Variants in KIAA1328 observed in about 807,000 individuals in gnomAD.
KIAA1328 encodes the protein protein hinderin.
Under a neutral mutation model 68.1 loss-of-function variants are expected in KIAA1328, and 52 were observed. The ratio of observed to expected loss-of-function variants is 0.76; its 90% confidence interval spans 0.61 to 0.96. KIAA1328 has a LOEUF of 0.96. KIAA1328 is among the 40% of genes least tolerant of loss of function. The probability of loss-of-function intolerance (pLI) is 0.00; values close to 1 mark genes in which losing one functional copy is unlikely to be tolerated. For synonymous variants in KIAA1328, 232 were observed against 239.4 expected, an observed-to-expected ratio of 0.97 and a Z score of 0.28; for missense variants, 641 against 677.6, an observed-to-expected ratio of 0.95 and a Z score of 0.60.
At chr18:36,857,785 T>A (rs1467807434) in intron 4 of KIAA1328, among the ~76,000 whole-genome samples, 1 of 152,228 alleles carries the variant, frequency 6.6e-6, no homozygotes, top group Non-Finnish European at 1.5e-5. Flanking sequence ...TCCATGGTGG[T>A]GTTTTTAAAT....
Position 37,224,188 on chromosome 18 carries a change from C to T in KIAA1328, c.*1961C>T. On this transcript the variant is annotated 3_prime_UTR_variant, in exon 10 of 10. Transcript: ENST00000280020. ...GACTCCCATAGACTACTCCCATGCC[C>T]ACAGTCACCCATTCCAGACTCCAGT... 1 of 985,424 alleles carries T rather than the reference C, an allele frequency of 1.0e-6. No individual in the cohort carries two copies. Among genetic ancestry groups the T allele is most frequent in the Non-Finnish European group, 1.2e-6 (1 of 829,926 alleles). 61.0% of individuals were successfully genotyped at this position (985,424 alleles called of 1,614,324 possible). A position where few individuals can be genotyped will look rare whatever the true frequency, so the allele number is the denominator to read the frequency against.
intron 7 of KIAA1328, among the ~76,000 whole-genome samples, chr18:37,072,519 T>G (rs2056571527): frequency 1.3e-5 from 2 of 152,236 alleles, no homozygotes; most frequent in African/African-American, 2.4e-5. Context: ...ATTTATAGTT[T>G]TATGTCTTTT....
chr18:36,869,292 T>C (rs1161580482), intron 4 of KIAA1328, among the ~76,000 whole-genome samples: 1 of 152,230 alleles, frequency 6.6e-6, no homozygotes, highest in Non-Finnish European at 1.5e-5. Flanking sequence ...TTTGAGTAAC[T>C]AGTGTACACT....
intron 6 of KIAA1328, among the ~76,000 whole-genome samples, chr18:37,054,789 G>T (rs1251009683): frequency 6.6e-6 from 1 of 152,116 alleles, no homozygotes; most frequent in Non-Finnish European, 1.5e-5. Flanking sequence ...TAACAAATTT[G>T]CACATGAACC....
intron 5 of KIAA1328, among the ~76,000 whole-genome samples, chr18:36,953,991 G>GTTTTT (rs2051285364): frequency 1.4e-5 from 1 of 73,838 alleles, no homozygotes; most frequent in African/African-American, 3.3e-5. Context: ...TTGTCTGATT[G>GTTTTT]TTTCTTTTTT....
At chr18:36,919,643 C>T (rs2049842576) in intron 5 of KIAA1328, among the ~76,000 whole-genome samples, 1 of 152,156 alleles carries the variant, frequency 6.6e-6, no homozygotes, top group African/African-American at 2.4e-5. Flanking sequence ...TTTGATAAAT[C>T]TCCAAACTGC....
intron 7 of KIAA1328, among the ~76,000 whole-genome samples, chr18:37,092,168 G>A (rs536145660): frequency 2.6e-5 from 4 of 152,020 alleles, no homozygotes; most frequent in East Asian, 1.9e-4. Context: ...GCTGGCACAC[G>A]TGCATTCTTT....
intron 7 of KIAA1328, among the ~76,000 whole-genome samples, chr18:37,122,272 A>G (rs377406066): frequency 1.1e-4 from 17 of 152,086 alleles, no homozygotes; most frequent in African/African-American, 4.1e-4. Flanking sequence ...ATAAGGATGA[A>G]AACGTGTCCA....
intron 7 of KIAA1328, among the ~76,000 whole-genome samples, chr18:37,133,719 G>T (rs963750316): frequency 1.3e-5 from 2 of 151,688 alleles, no homozygotes; most frequent in African/African-American, 2.4e-5. Flanking sequence ...TAGAGACAGG[G>T]TTTCACCGTG....
At chr18:37,039,152 G>A (rs931290461) in intron 6 of KIAA1328, among the ~76,000 whole-genome samples, 1 of 151,862 alleles carries the variant, frequency 6.6e-6, no homozygotes, top group African/African-American at 2.4e-5. Flanking sequence ...TACATTCCTA[G>A]GAATATATTG....
chr18:37,039,947 A>G (rs1367251186), intron 6 of KIAA1328, among the ~76,000 whole-genome samples: 3 of 152,064 alleles, frequency 2.0e-5, no homozygotes, highest in African/African-American at 4.8e-5. Context: ...GTTCCTTGCA[A>G]TGTAGGGCTG....
At chr18:37,043,588 A>G (rs2055346444) in intron 6 of KIAA1328, among the ~76,000 whole-genome samples, 1 of 152,166 alleles carries the variant, frequency 6.6e-6, no homozygotes, top group African/African-American at 2.4e-5. Flanking sequence ...ATTGTTAATA[A>G]ATTTTGCTCT....
intron 4 of KIAA1328, among the ~76,000 whole-genome samples, chr18:36,880,102 G>C (rs1003659177): frequency 6.6e-6 from 1 of 152,182 alleles, no homozygotes; most frequent in Non-Finnish European, 1.5e-5. Context: ...AGCTAGCTTG[G>C]TGTCTGCTCA....
chr18:36,829,403 G>C, intron 1 of KIAA1328: 1 of 1,351,700 alleles, frequency 7.4e-7, no homozygotes, highest in Non-Finnish European at 9.4e-7. Flanking sequence ...TGCAGGTGTG[G>C]GGACACGGCT....
intron 5 of KIAA1328, among the ~76,000 whole-genome samples, chr18:36,945,757 G>A (rs2050876525): frequency 6.6e-6 from 1 of 152,138 alleles, no homozygotes; most frequent in Non-Finnish European, 1.5e-5. Flanking sequence ...AAGTGTGGGT[G>A]GGTGATATAG....
intron 7 of KIAA1328, among the ~76,000 whole-genome samples, chr18:37,106,786 CTG>C (rs1177974956): frequency 2.0e-5 from 3 of 152,118 alleles, no homozygotes; most frequent in Non-Finnish European, 4.4e-5. Context: ...AAATTGTTCC[CTG>C]TGTTTCGTAT....
chr18:37,171,105 A>T (rs1445420917), intron 8 of KIAA1328, among the ~76,000 whole-genome samples: 1 of 152,238 alleles, frequency 6.6e-6, no homozygotes, highest in Non-Finnish European at 1.5e-5. Flanking sequence ...AAAATGAGTA[A>T]ATTTTATGAT....
intron 4 of KIAA1328, among the ~76,000 whole-genome samples, chr18:36,851,395 G>A (rs2047206765): frequency 6.6e-6 from 1 of 152,034 alleles, no homozygotes; most frequent in Admixed American, 6.6e-5. Context: ...TTCATTCTAA[G>A]TGTTTGGTAG....
At chr18:36,916,659 C>T (rs1380116847) in intron 5 of KIAA1328, among the ~76,000 whole-genome samples, 1 of 152,144 alleles carries the variant, frequency 6.6e-6, no homozygotes, top group Non-Finnish European at 1.5e-5. Flanking sequence ...ACATGTGGGT[C>T]AGGAGCTATT....
Sources: gnomAD v4.1 joint callset for allele counts (sites outside exome capture counted in the v4.1 genomes callset) on GRCh38, gnomAD v4.1.1 for gene constraint, MANE v1.5 for transcripts, NCBI Gene and HGNC (gene_info 2026-07-23, HGNC 2026-07-21) for gene names.